C2: variants seen among roughly 807,000 people sequenced by gnomAD.
C2 encodes complement C2, also known as C3/C5 convertase.
Under a neutral mutation model 85.2 loss-of-function variants are expected in C2, and 64 were observed. The ratio of observed to expected loss-of-function variants is 0.75; its 90% CI spans 0.61 to 0.92. The LOEUF is 0.92. Among genes scored for constraint, C2 ranks in the 40% least tolerant of loss-of-function variants. The probability of loss-of-function intolerance (pLI) is 0.00; values close to 1 mark genes in which losing one functional copy is unlikely to be tolerated. For missense variants in C2, 820 were observed against 971.6 expected (o/e 0.84, Z 2.07); for synonymous variants, 311 against 370.8 (o/e 0.84, Z 1.85).
At chr6:31,914,728 C>T (rs1338979459) in intron 1 of C2, among the ~76,000 whole-genome samples, 13 of 151,244 alleles carry the variant, frequency 8.6e-5, no homozygotes, top group African/African-American at 2.4e-4. Context: ...CTGGCTAACA[C>T]GGTGAAACCC....
rs370121006 is a variant in C2, at chr6:31,934,177, C to A, written c.727C>A (p.Arg243Ser). 6.2e-7 allele frequency: 1 copy of A among 1,614,146 alleles called. No individual in the cohort carries two copies. The highest frequency in any genetic ancestry group is 8.5e-7 in the Non-Finnish European group (1 of 1,180,026). Residue 243 changes from arginine (R) to serine (S), a missense_variant, in exon 6 of 18, where the codon CGT becomes AGT. Physicochemically the swap from Arg to Ser is moderately radical, Grantham distance 110. Coordinates refer to ENST00000299367, the MANE Select transcript of C2 (RefSeq NM_000063.6). The stretch of plus-strand genomic sequence containing the variant: ...CCACATTTCTCCAGAAAGCCTGGGC[C>A]GTAAAATCCAAATCCAGCGCTCTGG... ...PTQKTKESLG[R>S]KIQIQRSGHL...
chr6:31,936,161 C>G (rs1770401143), intron 7 of C2, 100 bp downstream of exon 7: 9 of 1,332,674 alleles, frequency 6.8e-6, no homozygotes, highest in South Asian at 2.5e-5. Context: ...AGTGAGGCCT[C>G]TTGGTGGCAC....
upstream of C2, among the ~76,000 whole-genome samples, chr6:31,926,783 C>A (rs1359541040): frequency 2.0e-5 from 3 of 152,086 alleles, no homozygotes; most frequent in Non-Finnish European, 4.4e-5. Context: ...TTTTACGAAC[C>A]TAAATGATCA....
chr6:31,912,865 A>AGT (rs9281623), intron 1 of C2, among the ~76,000 whole-genome samples: 5 of 145,892 alleles, frequency 3.4e-5, no homozygotes, highest in African/African-American at 1.3e-4. Context: ...AAAAAAAGAG[A>AGT]TTGGTTACCA....
At position 31,943,522 on chromosome 6, in the gene C2, A is replaced by G. The variant is rs781255213; in HGVS notation, c.1562A>G (p.Asn521Ser). 8 of 1,612,752 alleles carry G rather than the reference A, an allele frequency of 5.0e-6. No homozygotes were observed. The highest frequency in any genetic ancestry group is 6.8e-6 in the Non-Finnish European group (8 of 1,179,770). The change falls in exon 12 of 18, where the codon AAT becomes AGT. Residue 521 changes from asparagine (N) to serine (S), a missense_variant. Transcript: ENST00000299367. The surrounding 1 kb of genome is among the most constrained non-coding windows in gnomAD (Gnocchi z 6.4). ...AACGACCACTCCCTGTGGAGGGTCAATGTGGGTAAGGCAGGGGATGCACCA... is the reference window on the plus strand; with the variant it reads ...AACGACCACTCCCTGTGGAGGGTCAGTGTGGGTAAGGCAGGGGATGCACCA... ...DGNDHSLWRVNVGDPKSQWGK... is the reference protein window; with the variant it reads ...DGNDHSLWRVSVGDPKSQWGK...
At position 31,928,891 on chromosome 6, in the gene C2, G is replaced by C. The variant is rs762404440; in HGVS notation, c.416G>C (p.Gly139Ala). 1.2e-5 allele frequency: 19 copies of C among 1,613,884 alleles called. No individual in the cohort carries two copies. The highest frequency in any genetic ancestry group is 1.5e-5 in the Non-Finnish European group (18 of 1,179,860). ...TGTCGCCCCAACGGCATGTGGGATG[G>C]AGAAACAGCTGTGTGTGATAATGGG... Reference protein sequence around the residue: ...RQCRPNGMWDGETAVCDNGAG... With the variant: ...RQCRPNGMWDAETAVCDNGAG... The change falls in exon 3 of 18, where the codon GGA (glycine) becomes GCA (alanine). Residue 139 changes from glycine to alanine, a missense_variant. Transcript: ENST00000299367.
At position 31,944,232 on chromosome 6, in the gene C2, G is replaced by C. The variant is rs9332730; in HGVS notation, c.1902+6G>C. On this transcript the variant is annotated splice_donor_region_variant and intron_variant, in intron 15 of 17. Coordinates refer to ENST00000299367, the MANE Select transcript of C2 (RefSeq NM_000063.6). This position sits in a 1 kb window ranked among gnomAD's most constrained non-coding sequence, Gnocchi z 5.1. ...ACCTTAAGATGGGAGTGGAGGTGAG[G>C]GTCTCAGGTTGGGGATGCTGGGATC... The C allele has an allele frequency of 0.05, 79,015 of 1,595,440 alleles. 2,913 individuals are homozygous for C. Among genetic ancestry groups the C allele is most frequent in the South Asian group, 0.12 (10,679 of 90,716 alleles).
chr6:31,925,794 A>G (rs1237910542), upstream of C2, among the ~76,000 whole-genome samples: 1 of 152,182 alleles, frequency 6.6e-6, no homozygotes, highest in African/African-American at 2.4e-5. Flanking sequence ...TTGAAAGAAG[A>G]CAAGGCTACA....
intron 9 of C2, among the ~76,000 whole-genome samples, chr6:31,940,946 G>T (rs977928220): frequency 6.6e-6 from 1 of 152,136 alleles, no homozygotes; most frequent in African/African-American, 2.4e-5. Context: ...GGCCACAAGG[G>T]GTGCAAAGGC....
intron 1 of C2, among the ~76,000 whole-genome samples, chr6:31,913,699 T>C (rs1052220102): frequency 6.6e-6 from 1 of 151,836 alleles, no homozygotes; most frequent in Non-Finnish European, 1.5e-5. Context: ...CTGGCTGGAG[T>C]GTAGTGGCGT....
At chr6:31,932,710 G>A (rs1319224301) in intron 3 of C2, among the ~76,000 whole-genome samples, 1 of 151,798 alleles carries the variant, frequency 6.6e-6, no homozygotes, top group East Asian at 1.9e-4. Flanking sequence ...TTCCCAGACG[G>A]GGTGGCGGCC....
rs1364037858 is a variant in C2 at position 31,935,991 on chromosome 6, G to T, written c.918G>T (p.Met306Ile). The T allele has an allele frequency of 6.2e-7, 1 of 1,613,022 alleles. No homozygotes were observed. The highest frequency in any genetic ancestry group is 2.2e-5 in the East Asian group (1 of 44,888). Residue 306 changes from methionine (M) to isoleucine (I), a missense_variant, in exon 7 of 18, where the codon ATG (methionine) becomes ATT (isoleucine). By Grantham distance (10) the Met-to-Ile change is conservative. Transcript: ENST00000299367. This position sits in a 1 kb window ranked among gnomAD's most constrained non-coding sequence, Gnocchi z 4.3. ...TTGCCTCAGAGCCCAAAGTCCTCAT[G>T]TCTGTCCTGAACGACAACTCCCGGG... Reference protein sequence around the residue: ...ITFASEPKVLMSVLNDNSRDM... With the variant: ...ITFASEPKVLISVLNDNSRDM...
rs150091189 is a variant in C2, at chr6:31,928,782, C to T, written c.307C>T (p.Arg103Trp). 9.9e-6 allele frequency: 16 copies of T among 1,614,086 alleles called. No homozygotes were observed. Among genetic ancestry groups the T allele is most frequent in the African/African-American group, 2.7e-5 (2 of 74,948 alleles). The change falls in exon 3 of 18, where the codon CGG (arginine) becomes TGG (tryptophan). Residue 103 changes from arginine (R) to tryptophan (W), a missense_variant. Arg to Trp is a moderately radical substitution (Grantham distance 101). Transcript: ENST00000299367. The part of the protein sequence containing the change: ...VSFENGIYTP[R>W]LGSYPVGGNV... The stretch of plus-strand genomic sequence containing the variant: ...CTTTGAGAATGGCATTTATACCCCA[C>T]GGCTGGGGTCCTATCCCGTGGGTGG...
intron 7 of C2, chr6:31,937,075 G>A (rs998100859): frequency 4.3e-5 from 22 of 513,780 alleles, no homozygotes; most frequent in Non-Finnish European, 6.3e-5. Flanking sequence ...TGGGCATGGT[G>A]GCTGGCACCT....
chr6:31,931,683 A>T (rs1020835823), intron 3 of C2, among the ~76,000 whole-genome samples: 1 of 152,130 alleles, frequency 6.6e-6, no homozygotes, highest in African/African-American at 2.4e-5. Context: ...AGACACGGCA[A>T]CCATCCGATT....
intron 1 of C2, among the ~76,000 whole-genome samples, chr6:31,908,452 G>C (rs1267640045): frequency 6.6e-6 from 1 of 151,422 alleles, no homozygotes; most frequent in Non-Finnish European, 1.5e-5. Context: ...AGGAGTTCGA[G>C]GCCAGCCTGG....
chr6:31,937,155 G>A, intron 7 of C2, 164 bp from the exon 8 acceptor site: 1 of 657,672 alleles, frequency 1.5e-6, no homozygotes, highest in Admixed American at 2.5e-5. Flanking sequence ...GTTGCAGTCA[G>A]CCAAGATCAC....
chr6:31,918,650 A>T (rs916732562), upstream of C2, among the ~76,000 whole-genome samples: 1 of 151,652 alleles, frequency 6.6e-6, no homozygotes, highest in Non-Finnish European at 1.5e-5. Flanking sequence ...CTGTAATTCC[A>T]GCACTTTGGG....
Position 31,943,344 on chromosome 6 carries a change from T to G in C2, c.1455+25T>G. The G allele has an allele frequency of 6.2e-7, 1 of 1,610,518 alleles. No homozygotes were observed. The highest frequency in any genetic ancestry group is 8.5e-7 in the Non-Finnish European group (1 of 1,177,692). ...GGTACCAGGAAGGAGGGGCAGGGCT[T>G]GGATTCCAGAGGTAAAAGCGGCCAT... On this transcript the variant is annotated intron_variant, in intron 11 of 17. Coordinates refer to ENST00000299367, the MANE Select transcript of C2 (RefSeq NM_000063.6). This position sits in a 1 kb window ranked among gnomAD's most constrained non-coding sequence, Gnocchi z 6.4.
Sources: allele counts gnomAD v4.1 joint callset (sites outside exome capture counted in the v4.1 genomes callset), GRCh38; gene constraint gnomAD v4.1.1; non-coding constraint Gnocchi (gnomAD v3.1); transcripts MANE v1.5; gene names NCBI Gene and HGNC (gene_info 2026-07-23, HGNC 2026-07-21).